The following EXOSC10 variants were observed in gnomAD, a reference collection of about 807,000 sequenced individuals.
EXOSC10 encodes exosome component 10, also known as exosome complex component 10.
In EXOSC10, 94 loss-of-function variants were observed where a neutral mutation model predicts 126.6. The observed-to-expected ratio is 0.74, with a 90% confidence interval of 0.63 to 0.88. EXOSC10 has a LOEUF of 0.88. Among genes scored for constraint, EXOSC10 ranks in the 40% least tolerant of loss-of-function variants. The pLI, the probability that EXOSC10 is intolerant of heterozygous loss-of-function variation, is 0.00. For missense variants in EXOSC10, 1,041 were observed against 1,100.5 expected (o/e 0.95, Z 0.77); for synonymous variants, 395 against 400.8 (o/e 0.99, Z 0.17).
Position 11,074,294 on chromosome 1 carries a change from T to G in EXOSC10, c.2019A>C (p.Pro673=). ...GGGCTTTTTTCTGTGCAACTGTCAA[T>G]GGACCCTTTTTACTGTCTTCAGCAC... ...EPSAEDSKKG[P]LTVAQKKAQN... is the part of the protein sequence containing the mutation. The change falls in exon 18 of 25, where the codon CCA becomes CCC. Residue 673 remains proline, a synonymous_variant. Coordinates refer to ENST00000376936, the MANE Select transcript of EXOSC10 (RefSeq NM_001001998.3). 6.2e-7 allele frequency: 1 copy of G among 1,614,182 alleles called. No individual in the cohort carries two copies. Among genetic ancestry groups the G allele is most frequent in the Non-Finnish European group, 8.5e-7 (1 of 1,180,012 alleles).
At chr1:11,095,211 C>CA (rs1222636613) in intron 3 of EXOSC10, among the ~76,000 whole-genome samples, 1,889 of 52,050 alleles carry the variant, frequency 0.036, 40 homozygotes, top group African/African-American at 0.097. Context: ...GACTCCGTCT[C>CA]AAAAAAAAAA....
intron 20 of EXOSC10, chr1:11,071,620 G>A: frequency 6.1e-6 from 1 of 164,524 alleles, no homozygotes; most frequent in Non-Finnish European, 1.3e-5. Flanking sequence ...CGTCTGCTCA[G>A]CACCCTCCTG....
chr1:11,093,090 AT>A (rs1309471960), intron 3 of EXOSC10, among the ~76,000 whole-genome samples: 2 of 152,220 alleles, frequency 1.3e-5, no homozygotes, highest in Non-Finnish European at 2.9e-5. Context: ...AAAAATAAAA[AT>A]TTTACAAAGT....
At chr1:11,084,931 T>C (rs1385102417) in intron 9 of EXOSC10, among the ~76,000 whole-genome samples, 1 of 152,218 alleles carries the variant, frequency 6.6e-6, no homozygotes, top group African/African-American at 2.4e-5. Flanking sequence ...AAAGATCAGA[T>C]AGTTGTAGAT....
rs998477298 is a variant in EXOSC10, at chr1:11,099,792, C to G, written c.40G>C (p.Ala14Pro). 5.0e-6 allele frequency: 8 copies of G among 1,611,904 alleles called. No individual in the cohort carries two copies. Among genetic ancestry groups the G allele is most frequent in the Non-Finnish European group, 6.8e-6 (8 of 1,178,990 alleles). Residue 14 changes from alanine (A) to proline (P), a missense_variant, in exon 1 of 25, where the codon GCG becomes CCG. By Grantham distance (27) the Ala-to-Pro change is conservative (BLOSUM62 -1). This residue lies in a region of EXOSC10 where 645 missense variants were observed against 656.3 expected (regional missense o/e 0.98). Coordinates refer to ENST00000376936, the MANE Select transcript of EXOSC10 (RefSeq NM_001001998.3). ...PSTREPRVLSATSATKSDGEM... is the reference protein window; with the variant it reads ...PSTREPRVLSPTSATKSDGEM... ...CCGTCGGATTTGGTTGCGCTGGTCG[C>G]CGACAGGACCCTGGGCTCCCGGGTA...
Position 11,066,653 on chromosome 1 carries a change from G to A in EXOSC10, c.*65C>T, listed in dbSNP as rs1639112142. The stretch of plus-strand genomic sequence containing the variant: ...AAGAATTTTAATGGTTTAAAAATAT[G>A]TATGTACAAAAGCAGCACCAGCATT... On this transcript the variant is annotated 3_prime_UTR_variant, in exon 25 of 25. Transcript: ENST00000376936. 7.8e-6 allele frequency: 12 copies of A among 1,542,074 alleles called. No homozygotes were observed. The East Asian group carries it at 2.0e-4, about 26-fold the overall frequency.
At chr1:11,068,173 T>C in intron 23 of EXOSC10, 89 bp from the exon 24 acceptor site, 3 of 1,014,132 alleles carry the variant, frequency 3.0e-6, no homozygotes, top group East Asian at 2.4e-5. Context: ...TGGCCAAAGA[T>C]TCTAGCAGCA....
At position 11,091,182 on chromosome 1, in the gene EXOSC10, A is replaced by G. The variant is rs932852434; in HGVS notation, c.478-3T>C. 6.2e-7 allele frequency: 1 copy of G among 1,611,056 alleles called. No homozygotes were observed. The highest frequency in any genetic ancestry group is 1.3e-5 in the African/African-American group (1 of 74,694). On this transcript the variant is annotated splice_polypyrimidine_tract_variant and splice_region_variant and intron_variant, in intron 4 of 24. Transcript: ENST00000376936. ...GCTTTTTTGCCATATTCTGCTGCCT[A>G]TGATCAATGAATACAAATACTTTAT...
chr1:11,077,533 G>A, intron 15 of EXOSC10, 68 bp downstream of exon 15: 1 of 1,603,392 alleles, frequency 6.2e-7, no homozygotes, highest in Non-Finnish European at 8.5e-7. Context: ...CTCTGTCAGA[G>A]GTGTACTTGC....
At chr1:11,078,549 G>A (rs1639957515) in intron 14 of EXOSC10, among the ~76,000 whole-genome samples, 1 of 152,026 alleles carries the variant, frequency 6.6e-6, no homozygotes, top group Admixed American at 6.6e-5. Flanking sequence ...GAGCCACCGC[G>A]CCCGGCTGAC....
Position 11,098,192 on chromosome 1 carries a change from G to A in EXOSC10, c.112-36C>T, listed in dbSNP as rs767273265. 3.2e-6 allele frequency: 5 copies of A among 1,571,802 alleles called. No individual in the cohort carries two copies. The South Asian group carries it at 4.7e-5, about 15-fold the overall frequency. ...CAAGAAAAGATGGCATGTTTACACA[G>A]GGATCCCCATTCATTTGGTATGTCA... On this transcript the variant is annotated intron_variant, in intron 1 of 24. Transcript: ENST00000376936.
intron 2 of EXOSC10, 147 bp downstream of exon 2, chr1:11,097,873 T>C (rs1641202183): frequency 3.8e-6 from 3 of 784,182 alleles, no homozygotes; most frequent in Middle Eastern, 3.9e-4. Context: ...ATTTCCCTAA[T>C]CAAAATCCAT....
rs748229694 is a variant in EXOSC10 at position 11,076,870 on chromosome 1, A to G, written c.1958T>C (p.Ile653Thr). Reference sequence around the variant, plus strand: ...AAATAACGTGATGACAGCTGTGGCAATCAGGCATGTGGTACCCAGCAAGTT... The same window carrying G: ...AAATAACGTGATGACAGCTGTGGCAGTCAGGCATGTGGTACCCAGCAAGTT... Reference protein sequence around the residue: ...EDNLLGTTCLIATAVITLFNE... With the variant: ...EDNLLGTTCLTATAVITLFNE... Residue 653 changes from isoleucine to threonine, a missense_variant, in exon 17 of 25, where the codon ATT (isoleucine) becomes ACT (threonine). Physicochemically the swap from Ile to Thr is moderately conservative, Grantham distance 89. This residue lies in a region of EXOSC10 where 388 missense variants were observed against 415.2 expected (regional missense o/e 0.93). Coordinates refer to ENST00000376936, the MANE Select transcript of EXOSC10 (RefSeq NM_001001998.3). The G allele has an allele frequency of 6.2e-7, 1 of 1,613,692 alleles. No individual in the cohort carries two copies. Among genetic ancestry groups the G allele is most frequent in the Non-Finnish European group, 8.5e-7 (1 of 1,179,952 alleles).
Position 11,098,012 on chromosome 1 carries a change from G to C in EXOSC10, c.248+8C>G. On this transcript the variant is annotated splice_region_variant and intron_variant, in intron 2 of 24. Coordinates refer to ENST00000376936, the MANE Select transcript of EXOSC10 (RefSeq NM_001001998.3). ...CACTAACACAAGAAAACAAAGTACA[G>C]TACTTACCACTGAAGCAACCTGTCT... 1 of 1,599,212 alleles carries C rather than the reference G, an allele frequency of 6.3e-7. No homozygotes were observed. The highest frequency in any genetic ancestry group is 8.5e-7 in the Non-Finnish European group (1 of 1,175,122).
At position 11,069,684 on chromosome 1, in the gene EXOSC10, C is replaced by T; in HGVS notation, c.2363G>A (p.Arg788Lys). Residue 788 changes from arginine (R) to lysine (K), a missense_variant, in exon 22 of 25, where the codon AGG becomes AAG. By Grantham distance (26) the Arg-to-Lys change is conservative. This residue lies in a region of EXOSC10 where 388 missense variants were observed against 415.2 expected (regional missense o/e 0.93). Coordinates refer to ENST00000376936, the MANE Select transcript of EXOSC10 (RefSeq NM_001001998.3). Reference sequence around the variant, plus strand: ...CTTCTCTTGTTTCTGTTCTGTGGTCCTTGGGTCGCTTGTTGCTCGCTCTCT... The same window carrying T: ...CTTCTCTTGTTTCTGTTCTGTGGTCTTTGGGTCGCTTGTTGCTCGCTCTCT... ...KKRERATSDP[R>K]TTEQKQEKKR... 1 of 1,613,996 alleles carries T rather than the reference C, an allele frequency of 6.2e-7. No individual in the cohort carries two copies. The highest frequency in any genetic ancestry group is 8.5e-7 in the Non-Finnish European group (1 of 1,180,012).
chr1:11,097,399 A>T (rs1458565277), intron 2 of EXOSC10, among the ~76,000 whole-genome samples: 1 of 150,358 alleles, frequency 6.7e-6, no homozygotes, highest in East Asian at 2.0e-4. Flanking sequence ...AAATAAAAAT[A>T]AAAATACCTG....
intron 6 of EXOSC10, among the ~76,000 whole-genome samples, chr1:11,090,266 G>A (rs1640728413): frequency 1.3e-5 from 2 of 152,142 alleles, no homozygotes; most frequent in Non-Finnish European, 2.9e-5. Context: ...CCAAAGTGCT[G>A]GGATTACAGG....
intron 3 of EXOSC10, among the ~76,000 whole-genome samples, chr1:11,093,896 C>A (rs1007566558): frequency 6.6e-6 from 1 of 151,828 alleles, no homozygotes; most frequent in East Asian, 1.9e-4. Context: ...CTGGGCAACA[C>A]AGCAAGACAT....
intron 17 of EXOSC10, among the ~76,000 whole-genome samples, chr1:11,076,019 G>C (rs1639796416): frequency 6.6e-6 from 1 of 151,884 alleles, no homozygotes; most frequent in Non-Finnish European, 1.5e-5. Flanking sequence ...TAAAATATTA[G>C]CTAAGTATGG....
Sources: allele counts gnomAD v4.1 joint callset (sites outside exome capture counted in the v4.1 genomes callset), GRCh38; gene constraint gnomAD v4.1.1; regional missense constraint gnomAD v4.1.1; transcripts MANE v1.5; gene names NCBI Gene and HGNC (gene_info 2026-07-23, HGNC 2026-07-21).